SUN2: variants seen among roughly 807,000 people sequenced by gnomAD.
SUN2 encodes the protein Sad1 and UNC84 domain containing 2.
Under a neutral mutation model 100.0 loss-of-function variants are expected in SUN2, and 60 were observed. The observed-to-expected ratio is 0.60, with a 90% CI of 0.49 to 0.74. The LOEUF is 0.74. Ranked by LOEUF, SUN2 falls within the 30% of genes least tolerant of loss-of-function variation. The pLI is 0.00. For missense variants in SUN2, 834 were observed against 954.6 expected, an observed-to-expected ratio of 0.87 and a Z score of 1.66; for synonymous variants, 367 against 403.3, an observed-to-expected ratio of 0.91 and a Z score of 1.08.
In SUN2 at chr22:38,740,799, G is replaced by T. The variant is rs996298409; in HGVS notation, c.1190+208C>A. ...GGTCCTCTCACACAGCCTGCCCCCC[G>T]CCCTCAGGACCCCCCTGCTAACCTC... On this transcript the variant is annotated intron_variant, in intron 11 of 17. Transcript: ENST00000689035. The surrounding 1 kb of genome is among the most constrained non-coding windows in gnomAD (Gnocchi z 4.8). 1.5e-5 allele frequency: 9 copies of T among 609,908 alleles called. No homozygotes were observed. Among genetic ancestry groups the T allele is most frequent in the South Asian group, 1.2e-4 (6 of 50,936 alleles). The allele number at this position is 609,908 out of a possible 1,614,324, so 37.8% of individuals were successfully genotyped here. A position where few individuals can be genotyped will look rare whatever the true frequency, so the allele number is the denominator to read the frequency against.
intron 2 of SUN2, 119 bp from the exon 3 acceptor site, chr22:38,751,492 A>G: frequency 9.2e-7 from 1 of 1,083,942 alleles, no homozygotes; most frequent in South Asian, 1.4e-5. Context: ...CCTTGTTGCT[A>G]GGCAACTCGC....
chr22:38,748,481 G>T (rs1000719607), intron 7 of SUN2, among the ~76,000 whole-genome samples: 1 of 152,238 alleles, frequency 6.6e-6, no homozygotes, highest in Non-Finnish European at 1.5e-5. Flanking sequence ...AGGGCATCCC[G>T]CTTTTCACCC....
intron 8 of SUN2, among the ~76,000 whole-genome samples, chr22:38,744,418 A>T (rs1263410788): frequency 2.0e-5 from 3 of 151,678 alleles, no homozygotes; most frequent in African/African-American, 7.3e-5. Flanking sequence ...CTCTACAAAA[A>T]TTTTTTTTAA....
intron 3 of SUN2, 52 bp from the exon 4 acceptor site, chr22:38,751,087 AGTG>A: frequency 6.2e-7 from 1 of 1,610,008 alleles, no homozygotes; most frequent in South Asian, 1.1e-5. Context: ...GCTTCTGAAA[AGTG>A]GGGTCTGGGC....
Position 38,755,709 on chromosome 22 carries a change from G to C in SUN2, c.-38+54C>G, listed in dbSNP as rs1169586984. On this transcript the variant is annotated intron_variant, in intron 1 of 17. Transcript: ENST00000689035. This position sits in a 1 kb window ranked among gnomAD's most constrained non-coding sequence, Gnocchi z 5.7. ...GCCCGAGTGGCCCGACGGTGACCCGGGGTCAGGCCGGGCCGCGGCCCCCCA... is the reference window on the plus strand; with the variant it reads ...GCCCGAGTGGCCCGACGGTGACCCGCGGTCAGGCCGGGCCGCGGCCCCCCA... 3.0e-6 allele frequency: 3 copies of C among 984,588 alleles called. No homozygotes were observed. Among genetic ancestry groups the C allele is most frequent in the Non-Finnish European group, 3.6e-6 (3 of 829,466 alleles). 61.0% of individuals were successfully genotyped at this position (984,588 alleles called of 1,614,324 possible).
Position 38,738,471 on chromosome 22 carries a change from T to TC in SUN2, c.1947+115dup, listed in dbSNP as rs1328236614. ...TGTCTCCCACCCTAGCTCCTCCTCT[T>TC]CCAAATCCACTCCCCTCCCTTCCAG... On this transcript the variant is annotated intron_variant, in intron 16 of 17. Transcript: ENST00000689035. This position sits in a 1 kb window ranked among gnomAD's most constrained non-coding sequence, Gnocchi z 6.6. 7.0e-7 allele frequency: 1 copy of TC among 1,420,566 alleles called. No individual in the cohort carries two copies. The highest frequency in any genetic ancestry group is 1.4e-5 in the African/African-American group (1 of 70,134). The allele number at this position is 1,420,566 out of a possible 1,614,324, so 88.0% of individuals were successfully genotyped here.
chr22:38,742,180 T>C, intron 9 of SUN2, 121 bp downstream of exon 9: 1 of 1,228,884 alleles, frequency 8.1e-7, no homozygotes, highest in East Asian at 2.6e-5. Context: ...AGAAAGGGAG[T>C]AACTGCAAAA....
chr22:38,755,062 C>A lies in SUN2; in HGVS notation c.-38+701G>T. 9.4e-7 allele frequency: 1 copy of A among 1,063,380 alleles called. No individual in the cohort carries two copies. Among genetic ancestry groups the A allele is most frequent in the Non-Finnish European group, 1.2e-6 (1 of 812,070 alleles). The allele number at this position is 1,063,380 out of a possible 1,614,324, so 65.9% of individuals were successfully genotyped here. On this transcript the variant is annotated intron_variant, in intron 1 of 17. Transcript: ENST00000689035. This position sits in a 1 kb window ranked among gnomAD's most constrained non-coding sequence, Gnocchi z 5.7. ...TTAGGAAACGCTCATCGGAAAGCAT[C>A]CTTCCCCACTTCTCAGCTGGGCGAC...
chr22:38,749,901 T>G, intron 5 of SUN2, 42 bp from the exon 6 acceptor site: 1 of 1,572,072 alleles, frequency 6.4e-7, no homozygotes, highest in East Asian at 2.3e-5. Context: ...ATATGGTGTT[T>G]GGGGGCACCG....
In SUN2 at chr22:38,736,269, A is replaced by G; in HGVS notation, c.2152T>C (p.Ter718GlnextTer44). The G allele has an allele frequency of 6.2e-7, 1 of 1,612,072 alleles. No homozygotes were observed. Among genetic ancestry groups the G allele is most frequent in the South Asian group, 1.1e-5 (1 of 90,880 alleles). The change falls in exon 18 of 18, where the codon TAG becomes CAG. Residue 718 changes from the stop codon to glutamine (Q), a stop_lost. Transcript: ENST00000689035. ...RFRVHGEPAH[*>Q] ...GCAGCAGGCACCAGTAAGCAGGGCTAGTGGGCGGGCTCCCCATGCACTCTG... is the reference window on the plus strand; with the variant it reads ...GCAGCAGGCACCAGTAAGCAGGGCTGGTGGGCGGGCTCCCCATGCACTCTG...
chr22:38,739,962 G>C lies in SUN2; in HGVS notation c.1357-19C>G. 6.2e-7 allele frequency: 1 copy of C among 1,605,436 alleles called. No homozygotes were observed. The highest frequency in any genetic ancestry group is 8.5e-7 in the Non-Finnish European group (1 of 1,178,470). The stretch of plus-strand genomic sequence containing the variant: ...ATTCCACCTATAGGAACCCAAAGGG[G>C]TGTCACCCTGGGGGGCTTGCAGGGA... On this transcript the variant is annotated intron_variant, in intron 12 of 17. Coordinates refer to ENST00000689035, the MANE Select transcript of SUN2 (RefSeq NM_015374.3). This position sits in a 1 kb window ranked among gnomAD's most constrained non-coding sequence, Gnocchi z 6.7.
In SUN2 at chr22:38,741,459, C is replaced by G. The variant is rs763812482; in HGVS notation, c.1146+35G>C. ...GAACATGTTGGATGGGGTCAGGACC[C>G]AGTCACAGGCCCTGAGTGCCGCAAG... On this transcript the variant is annotated intron_variant, in intron 10 of 17. Coordinates refer to ENST00000689035, the MANE Select transcript of SUN2 (RefSeq NM_015374.3). 5 of 1,597,780 alleles carry G rather than the reference C, an allele frequency of 3.1e-6. No individual in the cohort carries two copies. In the South Asian group the frequency reaches 3.3e-5, roughly 11 times the overall value.
In SUN2 at chr22:38,755,335, C is replaced by A. The variant is rs1569308957; in HGVS notation, c.-38+428G>T. On this transcript the variant is annotated intron_variant, in intron 1 of 17. Transcript: ENST00000689035. This position sits in a 1 kb window ranked among gnomAD's most constrained non-coding sequence, Gnocchi z 5.7. ...CTAAGTCACACCGCGCCCCCCATTG[C>A]TTTGTTTTGTTTTGTTTTAGAACTG... The A allele has an allele frequency of 9.1e-7, 1 of 1,095,526 alleles. No homozygotes were observed. Among genetic ancestry groups the A allele is most frequent in the Admixed American group, 4.8e-5 (1 of 20,646 alleles). 67.9% of individuals were successfully genotyped at this position (1,095,526 alleles called of 1,614,324 possible).
At chr22:38,754,693 G>A (rs1282644399) in intron 1 of SUN2, 1 of 1,286,700 alleles carries the variant, frequency 7.8e-7, no homozygotes, top group African/African-American at 1.5e-5. Flanking sequence ...CTGTCCTGCT[G>A]AAGGAGGTGA....
intron 8 of SUN2, among the ~76,000 whole-genome samples, chr22:38,744,540 T>A (rs1352859580): frequency 2.0e-5 from 3 of 152,206 alleles, no homozygotes; most frequent in Non-Finnish European, 2.9e-5. Context: ...ATGATTATAC[T>A]ACTGCACTGC....
In SUN2 at chr22:38,748,717, C is replaced by A. The variant is rs754563807; in HGVS notation, c.681G>T (p.Thr227=). The change falls in exon 7 of 18, where the codon ACG becomes ACT. Residue 227 remains threonine (T), a synonymous_variant. Coordinates refer to ENST00000689035, the MANE Select transcript of SUN2 (RefSeq NM_015374.3). The part of the protein sequence containing the change: ...LLPLLLLTCL[T]YGAWYFYPYG... ...GCTCTCCCCATGCAGGCTCACCATA[C>A]GTCAGGCACGTCAGCAAGAGCAGCG... is the stretch of plus-strand genomic sequence containing the variant. 1 of 1,614,128 alleles carries A rather than the reference C, an allele frequency of 6.2e-7. No individual in the cohort carries two copies. The highest frequency in any genetic ancestry group is 8.5e-7 in the Non-Finnish European group (1 of 1,180,050).
chr22:38,750,115 C>A, intron 5 of SUN2, 110 bp downstream of exon 5: 1 of 1,480,726 alleles, frequency 6.8e-7, no homozygotes, highest in East Asian at 2.3e-5. Flanking sequence ...TGACCTTTCC[C>A]CAATGGTCCT....
At chr22:38,752,812 C>T (rs2092957374) in intron 1 of SUN2, 147 bp from the exon 2 acceptor site, 3 of 863,934 alleles carry the variant, frequency 3.5e-6, no homozygotes, top group Non-Finnish European at 5.2e-6. Context: ...TCTAAACAGC[C>T]CTGATGGGGG....
Position 38,739,545 on chromosome 22 carries a change from G to A in SUN2, c.1579-119C>T. On this transcript the variant is annotated intron_variant, in intron 13 of 17. Transcript: ENST00000689035. This position sits in a 1 kb window ranked among gnomAD's most constrained non-coding sequence, Gnocchi z 6.7. ...CCTTCTAGGCTTGCACTGTGCTGGT[G>A]CCCAGGCAGATGTGGGCACACTGCC... 7.4e-7 allele frequency: 1 copy of A among 1,353,764 alleles called. No homozygotes were observed. The highest frequency in any genetic ancestry group is 1.0e-6 in the Non-Finnish European group (1 of 967,592). 83.9% of individuals were successfully genotyped at this position (1,353,764 alleles called of 1,614,324 possible).
Sources: gnomAD v4.1 joint callset for allele counts (sites outside exome capture counted in the v4.1 genomes callset) on GRCh38, gnomAD v4.1.1 for gene constraint, Gnocchi (gnomAD v3.1) non-coding constraint, MANE v1.5 for transcripts, NCBI Gene and HGNC (gene_info 2026-07-23, HGNC 2026-07-21) for gene names.